The following METTL15 variants were observed in gnomAD, a reference collection of about 807,000 sequenced individuals.
The protein encoded by METTL15 is methyltransferase 15, mitochondrial 12S rRNA N4-cytidine.
In METTL15, 34 loss-of-function variants were observed where a neutral mutation model predicts 38.3. The observed-to-expected ratio is 0.89, with a 90% CI of 0.68 to 1.18. METTL15 has a LOEUF of 1.18. Ranked by LOEUF, METTL15 falls within the 50% of genes most tolerant of loss-of-function variation. The pLI is 0.00. For missense variants in METTL15, 438 were observed against 498.4 expected (o/e 0.88, Z 1.15); for synonymous variants, 162 against 170.9 (o/e 0.95, Z 0.41).
intron 6 of METTL15, among the ~76,000 whole-genome samples, chr11:28,304,554 A>G (rs1197519386): frequency 1.3e-5 from 2 of 152,076 alleles, no homozygotes; most frequent in Admixed American, 1.3e-4. Context: ...TGACTCTACT[A>G]AAACTACAAA....
chr11:28,468,576 A>AT (rs1564939845), intron 6 of METTL15, among the ~76,000 whole-genome samples: 1 of 152,174 alleles, frequency 6.6e-6, no homozygotes, highest in African/African-American at 2.4e-5. Flanking sequence ...GCAAAATAGT[A>AT]TTATTTAATA....
At chr11:28,358,709 T>C (rs868343719) in intron 4 of METTL15, among the ~76,000 whole-genome samples, 2 of 152,218 alleles carry the variant, frequency 1.3e-5, no homozygotes, top group Non-Finnish European at 2.9e-5. Flanking sequence ...GGAGAGACTA[T>C]GTGATTTACT....
chr11:28,274,952 T>TAA (rs1408945412), intron 4 of METTL15, among the ~76,000 whole-genome samples: 11 of 151,110 alleles, frequency 7.3e-5, no homozygotes, highest in Admixed American at 7.2e-4. Flanking sequence ...TATATATATA[T>TAA]AATTAAAGAA....
chr11:28,402,139 A>G (rs1036700939), intron 5 of METTL15, among the ~76,000 whole-genome samples: 1 of 151,940 alleles, frequency 6.6e-6, no homozygotes, highest in Non-Finnish European at 1.5e-5. Flanking sequence ...CTGTTAGGGA[A>G]TGTCACCATT....
chr11:28,119,374 A>G (rs967546239), intron 3 of METTL15, among the ~76,000 whole-genome samples: 2 of 152,208 alleles, frequency 1.3e-5, no homozygotes, highest in African/African-American at 4.8e-5. Flanking sequence ...ACTAGAAGAC[A>G]GATGTGAGGC....
At chr11:28,258,909 C>T (rs1291750954) in intron 4 of METTL15, among the ~76,000 whole-genome samples, 2 of 152,070 alleles carry the variant, frequency 1.3e-5, no homozygotes, top group Non-Finnish European at 2.9e-5. Context: ...AGACAAAGTC[C>T]ATTTTACTTT....
At chr11:28,390,687 G>C (rs1850495733) in intron 5 of METTL15, among the ~76,000 whole-genome samples, 2 of 152,130 alleles carry the variant, frequency 1.3e-5, no homozygotes, top group Admixed American at 6.5e-5. Context: ...TGTTCTTGTG[G>C]CTTAGGATTG....
At chr11:28,451,200 C>T (rs1478464757) in intron 6 of METTL15, among the ~76,000 whole-genome samples, 1 of 152,114 alleles carries the variant, frequency 6.6e-6, no homozygotes, top group Non-Finnish European at 1.5e-5. Context: ...TCCCAGACTA[C>T]TACAGTGTCT....
intron 3 of METTL15, among the ~76,000 whole-genome samples, chr11:28,187,131 T>C (rs1281696850): frequency 6.6e-6 from 1 of 151,220 alleles, no homozygotes; most frequent in Non-Finnish European, 1.5e-5. Context: ...ATGATAGCTA[T>C]TTAAAATTAA....
At chr11:28,397,592 G>C (rs914738447) in intron 5 of METTL15, among the ~76,000 whole-genome samples, 15 of 151,902 alleles carry the variant, frequency 9.9e-5, no homozygotes, top group African/African-American at 3.6e-4. Context: ...GGAAACAACA[G>C]GTGCTGGAGA....
chr11:28,195,555 G>A (rs1267460673), intron 3 of METTL15, among the ~76,000 whole-genome samples: 2 of 151,616 alleles, frequency 1.3e-5, no homozygotes, highest in African/African-American at 4.8e-5. Context: ...CATTTTAATG[G>A]GATTGTTTTC....
At chr11:28,497,410 C>T (rs1851543784) in intron 6 of METTL15, among the ~76,000 whole-genome samples, 1 of 152,208 alleles carries the variant, frequency 6.6e-6, no homozygotes, top group African/African-American at 2.4e-5. Flanking sequence ...GAATGACATT[C>T]TACACACTTT....
chr11:28,180,452 G>A (rs1449410622), intron 3 of METTL15, among the ~76,000 whole-genome samples: 3 of 151,632 alleles, frequency 2.0e-5, no homozygotes, highest in African/African-American at 7.3e-5. Context: ...GTAATTAGTT[G>A]TCTGCTTTTC....
intron 4 of METTL15, among the ~76,000 whole-genome samples, chr11:28,218,179 C>T (rs1033410895): frequency 4.6e-5 from 7 of 152,136 alleles, no homozygotes; most frequent in Admixed American, 2.0e-4. Context: ...ATTGATTCTT[C>T]CTACCCATGA....
rs757259109 is a variant in METTL15 at position 28,330,668 on chromosome 11, A to G, written c.1051A>G (p.Met351Val). ...RFNLSVRQQV[M>V]KTSQLGSDHE... ...TAACCTAAGTGTTAGACAACAAGTG[A>G]TGAAAACATCTCAATTGGGTTCAGA... Residue 351 changes from methionine to valine, a missense_variant, in exon 7 of 7, where the codon ATG (methionine) becomes GTG (valine). By Grantham distance (21) the Met-to-Val change is conservative. Transcript: ENST00000407364. 1.2e-5 allele frequency: 19 copies of G among 1,551,464 alleles called. No individual in the cohort carries two copies. Among genetic ancestry groups the G allele is most frequent in the Non-Finnish European group, 1.1e-5 (13 of 1,146,804 alleles).
chr11:28,446,657 A>T (rs893711134), intron 6 of METTL15, among the ~76,000 whole-genome samples: 1 of 152,078 alleles, frequency 6.6e-6, no homozygotes, highest in Non-Finnish European at 1.5e-5. Context: ...TCATTTTAGC[A>T]TTGGATTTAT....
At chr11:28,367,810 A>G (rs1020887024) in intron 5 of METTL15, among the ~76,000 whole-genome samples, 5 of 152,168 alleles carry the variant, frequency 3.3e-5, no homozygotes, top group African/African-American at 1.2e-4. Context: ...CAACTATCTG[A>G]TCTTTGAAAA....
At position 28,348,806 on chromosome 11, in the gene METTL15, T is replaced by C. The variant is rs181605707; in HGVS notation, c.*190-3284T>C. ...CTTTTAGCATTATTTAATGTTTCAA[T>C]TGTACTTTGGCCACTGGGAGCCAGT... On this transcript the variant is annotated intron_variant and NMD_transcript_variant, in intron 3 of 7. Coordinates refer to the METTL15 transcript ENST00000532947. 4.6e-5 allele frequency among the ~76,000 whole-genome samples: 7 copies of C among 152,310 alleles called. No homozygotes were observed. The East Asian group carries it at 1.3e-3, about 29-fold the overall frequency.
At chr11:28,159,483 T>C (rs1226254781) in intron 3 of METTL15, among the ~76,000 whole-genome samples, 2 of 150,912 alleles carry the variant, frequency 1.3e-5, no homozygotes, top group Admixed American at 6.6e-5. Context: ...AGGTGCTTGC[T>C]GAAGGGAAAG....
Sources: allele counts gnomAD v4.1 joint callset (sites outside exome capture counted in the v4.1 genomes callset), GRCh38; gene constraint gnomAD v4.1.1; transcripts MANE v1.5; gene names NCBI Gene and HGNC (gene_info 2026-07-23, HGNC 2026-07-21).